ZNF578: variants seen among roughly 807,000 people sequenced by gnomAD.
ZNF578 encodes Putative chemokine-related protein B42.
In ZNF578, 8 loss-of-function variants were observed where a neutral mutation model predicts 8.3. The ratio of observed to expected loss-of-function variants is 0.96; its 90% CI spans 0.56 to 1.74. ZNF578 has a LOEUF of 1.74. Among genes scored for constraint, ZNF578 ranks in the 40% most tolerant of loss-of-function variants. ZNF578 has a pLI of 0.00. For missense variants in ZNF578, 726 were observed against 707.5 expected, an observed-to-expected ratio of 1.03 and a Z score of -0.30; for synonymous variants, 206 against 232.2, an observed-to-expected ratio of 0.89 and a Z score of 1.03.
chr19:52,493,886 A>C (rs1251587312), intron 3 of ZNF578, among the ~76,000 whole-genome samples: 3 of 151,892 alleles, frequency 2.0e-5, no homozygotes, highest in African/African-American at 7.3e-5. Flanking sequence ...GCTATTAGGG[A>C]GGCTGAAGCT....
chr19:52,478,054 A>G (rs1434229291), intron 2 of ZNF578, among the ~76,000 whole-genome samples: 1 of 152,216 alleles, frequency 6.6e-6, no homozygotes, highest in East Asian at 1.9e-4. Context: ...ATGACCTAAC[A>G]GCATATCCTC....
intron 2 of ZNF578, among the ~76,000 whole-genome samples, chr19:52,486,259 C>T (rs2059345194): frequency 6.6e-6 from 1 of 152,042 alleles, no homozygotes; most frequent in African/African-American, 2.4e-5. Flanking sequence ...TCCTGCTGAC[C>T]CTTCCCCACT....
At chr19:52,507,965 C>A (rs1332171690) in intron 5 of ZNF578, among the ~76,000 whole-genome samples, 2 of 152,166 alleles carry the variant, frequency 1.3e-5, no homozygotes, top group South Asian at 4.1e-4. Flanking sequence ...AGGAGACTCA[C>A]TTGAATCTGG....
At chr19:52,472,293 A>G (rs540611008) in intron 2 of ZNF578, among the ~76,000 whole-genome samples, 1 of 152,362 alleles carries the variant, frequency 6.6e-6, no homozygotes, top group South Asian at 2.1e-4. Context: ...TAGACATAAC[A>G]TGATTCATTC....
At chr19:52,500,408 C>CT (rs71180471) in intron 3 of ZNF578, among the ~76,000 whole-genome samples, 36,030 of 138,562 alleles carry the variant, frequency 0.26, 5,007 homozygotes, top group East Asian at 0.48. Context: ...TTTGAGTTTC[C>CT]TTTTTTTTTT....
At chr19:52,484,175 A>G (rs900219578) in intron 2 of ZNF578, among the ~76,000 whole-genome samples, 1 of 152,218 alleles carries the variant, frequency 6.6e-6, no homozygotes, top group African/African-American at 2.4e-5. Flanking sequence ...ATGTGCATAT[A>G]CATAAACACC....
chr19:52,493,917 G>A (rs382838), intron 3 of ZNF578, among the ~76,000 whole-genome samples: 12,133 of 148,524 alleles, frequency 0.082, 779 homozygotes, highest in African/African-American at 0.18. Context: ...TTGAACCTGG[G>A]AGGCGGAGGT....
chr19:52,485,758 C>A (rs952567146), intron 2 of ZNF578, among the ~76,000 whole-genome samples: 1 of 152,144 alleles, frequency 6.6e-6, no homozygotes, highest in Admixed American at 6.5e-5. Flanking sequence ...TAAGCAAATG[C>A]TTGAAGGCAG....
chr19:52,516,268 G>C lies in ZNF578; in HGVS notation c.*4114G>C, dbSNP rs2059475347. Among the ~76,000 whole-genome samples the C allele has an allele frequency of 6.6e-6, 1 of 152,066 alleles. No individual in the cohort carries two copies. Among genetic ancestry groups the C allele is most frequent in the Non-Finnish European group, 1.5e-5 (1 of 68,002 alleles). On this transcript the variant is annotated 3_prime_UTR_variant, in exon 6 of 6. Coordinates refer to ENST00000421239, the MANE Select transcript of ZNF578 (RefSeq NM_001099694.2). ...CCTCGGCCTCCTAGAGTGCTGGGAT[G>C]ACAGGCATGAGCCACTGCAACCAGC...
chr19:52,479,694 A>G (rs2059319440), intron 2 of ZNF578, among the ~76,000 whole-genome samples: 1 of 152,190 alleles, frequency 6.6e-6, no homozygotes, highest in Non-Finnish European at 1.5e-5. Context: ...TTGAGAGCAT[A>G]TGATCTAAAT....
intron 2 of ZNF578, among the ~76,000 whole-genome samples, chr19:52,482,176 G>A (rs2122845565): frequency 6.6e-6 from 1 of 152,302 alleles, no homozygotes; most frequent in East Asian, 1.9e-4. Context: ...TGGGATTACA[G>A]GCATGCACCA....
intron 4 of ZNF578, among the ~76,000 whole-genome samples, chr19:52,503,952 G>A (rs537997898): frequency 1.7e-4 from 26 of 150,952 alleles, no homozygotes; most frequent in African/African-American, 5.4e-4. Context: ...TCCACACCAC[G>A]ACACCCAGCT....
rs71180468 is a variant in ZNF578 at position 52,459,612 on chromosome 19, TACACACACACAC to T, written c.-122+2682_-122+2693del. ...TGCTTTCAAGTCTTTAATGTGTATG[TACACACACACAC>T]ACACACACACACACACACACACACA... On this transcript the variant is annotated intron_variant, in intron 2 of 5. Coordinates refer to ENST00000421239, the MANE Select transcript of ZNF578 (RefSeq NM_001099694.2). Among the ~76,000 whole-genome samples the T allele has an allele frequency of 2.1e-3, 250 of 118,774 alleles. 1 individual carries two copies. The highest frequency in any genetic ancestry group is 2.6e-3 in the African/African-American group (79 of 30,628). The allele number at this position is 118,774 out of a possible 152,430, so 77.9% of individuals were successfully genotyped here.
At chr19:52,460,848 ATAG>A in intron 2 of ZNF578, among the ~76,000 whole-genome samples, 2 of 152,184 alleles carry the variant, frequency 1.3e-5, no homozygotes, top group Admixed American at 1.3e-4. Context: ...AATTATATTA[ATAG>A]TAGTGATATA....
At chr19:52,505,825 T>C (rs559103088) in intron 5 of ZNF578, among the ~76,000 whole-genome samples, 6 of 152,242 alleles carry the variant, frequency 3.9e-5, no homozygotes, top group African/African-American at 1.2e-4. Context: ...GCTTGTGAGG[T>C]TGAATGAGGT....
chr19:52,514,403 G>A lies in ZNF578; in HGVS notation c.*2249G>A, dbSNP rs2059464152. On this transcript the variant is annotated 3_prime_UTR_variant, in exon 6 of 6. Coordinates refer to ENST00000421239, the MANE Select transcript of ZNF578 (RefSeq NM_001099694.2). The stretch of plus-strand genomic sequence containing the variant: ...TGCTTTCTAGTCTTTGTTATTTATT[G>A]GAAGGCTGTGGTACCTACTACTTAA... Among the ~76,000 whole-genome samples the A allele has an allele frequency of 6.6e-6, 1 of 152,170 alleles. No homozygotes were observed. Among genetic ancestry groups the A allele is most frequent in the Non-Finnish European group, 1.5e-5 (1 of 68,032 alleles).
At chr19:52,469,468 C>T (rs1260189941) in intron 2 of ZNF578, among the ~76,000 whole-genome samples, 1 of 152,070 alleles carries the variant, frequency 6.6e-6, no homozygotes, top group Non-Finnish European at 1.5e-5. Context: ...CCTAGAGGAA[C>T]AAAATTTTAA....
rs1431335569 is a variant in ZNF578 at position 52,504,720 on chromosome 19, T to G, written c.129T>G (p.Pro43=). The G allele has an allele frequency of 6.2e-7, 1 of 1,614,128 alleles. No individual in the cohort carries two copies. Among genetic ancestry groups the G allele is most frequent in the Non-Finnish European group, 8.5e-7 (1 of 1,180,020 alleles). Residue 43 remains proline (P), a synonymous_variant, in exon 5 of 6, where the codon CCT becomes CCG. Coordinates refer to ENST00000421239, the MANE Select transcript of ZNF578 (RefSeq NM_001099694.2). ...FSLAEWKFLN[P]AQRALYREVM... ...TGGCAGAGTGGAAATTCCTGAACCC[T>G]GCGCAGAGGGCTTTGTACAGGGAAG...
chr19:52,459,570 A>G (rs910208660), intron 2 of ZNF578, among the ~76,000 whole-genome samples: 12 of 149,596 alleles, frequency 8.0e-5, no homozygotes, highest in Admixed American at 5.4e-4. Flanking sequence ...GGATTTGCAA[A>G]TATCTCTTTG....
Sources: gnomAD v4.1 joint callset for allele counts (sites outside exome capture counted in the v4.1 genomes callset) on GRCh38, gnomAD v4.1.1 for gene constraint, MANE v1.5 for transcripts, NCBI Gene and HGNC (gene_info 2026-07-23, HGNC 2026-07-21) for gene names.